The following KAT6A variants were observed in gnomAD, a reference collection of about 807,000 sequenced individuals.
The protein encoded by KAT6A is histone acetyltransferase KAT6A.
KAT6A carries 9 observed loss-of-function variants against 198.4 expected under a neutral mutation model. The observed-to-expected ratio is 0.05, with a 90% confidence interval of 0.03 to 0.08. KAT6A has a LOEUF of 0.08. Ranked by LOEUF, KAT6A falls within the 10% of genes least tolerant of loss-of-function variation. KAT6A has a pLI of 1.00. For missense variants in KAT6A, 2,077 were observed against 2,509.9 expected (o/e 0.83, Z 3.69); for synonymous variants, 890 against 883.0 (o/e 1.01, Z -0.14).
intron 8 of KAT6A, among the ~76,000 whole-genome samples, chr8:41,971,823 G>A (rs913572968): frequency 1.3e-5 from 2 of 152,080 alleles, no homozygotes; most frequent in Admixed American, 1.3e-4. Flanking sequence ...TGGGTTGGCA[G>A]TAGCAAATAC....
At chr8:41,971,440 A>G (rs1823790275) in intron 8 of KAT6A, among the ~76,000 whole-genome samples, 1 of 152,084 alleles carries the variant, frequency 6.6e-6, no homozygotes, top group Non-Finnish European at 1.5e-5. Context: ...CTCTAGAGGA[A>G]GGGCCATCGA....
intron 8 of KAT6A, among the ~76,000 whole-genome samples, chr8:41,971,437 G>A (rs1166965673): frequency 1.3e-5 from 2 of 152,062 alleles, no homozygotes; most frequent in African/African-American, 4.8e-5. Flanking sequence ...CGACTCTAGA[G>A]GAAGGGCCAT....
At chr8:41,954,242 G>A (rs1822817694) in intron 9 of KAT6A, among the ~76,000 whole-genome samples, 1 of 152,140 alleles carries the variant, frequency 6.6e-6, no homozygotes, top group Non-Finnish European at 1.5e-5. Flanking sequence ...AGTTTTACTG[G>A]ATGGCCCTTT....
intron 12 of KAT6A, among the ~76,000 whole-genome samples, chr8:41,946,250 T>C (rs968381805): frequency 5.3e-5 from 8 of 151,948 alleles, no homozygotes; most frequent in Non-Finnish European, 8.8e-5. Context: ...CCTAGGTACA[T>C]GCCATCATGC....
chr8:41,991,202 C>A lies in KAT6A; in HGVS notation c.601-3639G>T, dbSNP rs938733944. ...AAAACATACACCAAAATGTTCAGAG[C>A]AGCATTATTCATAATAATACATTTT... On this transcript the variant is annotated intron_variant, in intron 2 of 16. Transcript: ENST00000265713. Among the ~76,000 whole-genome samples the A allele has an allele frequency of 2.0e-5, 3 of 152,114 alleles. No homozygotes were observed. The East Asian group carries it at 5.8e-4, about 29-fold the overall frequency.
intron 8 of KAT6A, among the ~76,000 whole-genome samples, chr8:41,965,676 C>T (rs761941864): frequency 3.9e-5 from 6 of 152,112 alleles, no homozygotes; most frequent in South Asian, 2.1e-4. Flanking sequence ...TGAGGAATAG[C>T]TGGAGTTTAG....
intron 8 of KAT6A, among the ~76,000 whole-genome samples, chr8:41,967,257 C>CT (rs72258027): frequency 0.57 from 83,889 of 147,016 alleles, 24,379 homozygotes; most frequent in African/African-American, 0.69. Context: ...ACGCGTCTTT[C>CT]TTTTTTTAAA....
At chr8:41,973,151 C>T (rs1346969133) in intron 8 of KAT6A, among the ~76,000 whole-genome samples, 1 of 152,206 alleles carries the variant, frequency 6.6e-6, no homozygotes, top group East Asian at 1.9e-4. Context: ...TAATGACCGA[C>T]ATCAACAGTC....
chr8:41,962,909 C>T (rs764313464), intron 8 of KAT6A, among the ~76,000 whole-genome samples: 1 of 152,104 alleles, frequency 6.6e-6, no homozygotes, highest in Admixed American at 6.6e-5. Context: ...GCTATTCCCC[C>T]GTTACCTACA....
chr8:41,943,387 T>C (rs1564012536), intron 13 of KAT6A, among the ~76,000 whole-genome samples: 1 of 152,212 alleles, frequency 6.6e-6, no homozygotes, highest in African/African-American at 2.4e-5. Context: ...TATATTTACT[T>C]TGTGCCATTT....
intron 2 of KAT6A, among the ~76,000 whole-genome samples, chr8:42,031,823 G>A (rs1827145549): frequency 6.6e-6 from 1 of 151,396 alleles, no homozygotes; most frequent in African/African-American, 2.4e-5. Flanking sequence ...TAGAGATAGG[G>A]TTTTGTCATG....
Position 41,946,844 on chromosome 8 carries a change from A to G in KAT6A, c.1903-160T>C, listed in dbSNP as rs545743057. Among the ~76,000 whole-genome samples, 43 of 152,284 alleles carry G rather than the reference A, an allele frequency of 2.8e-4. No individual in the cohort carries two copies. The South Asian group carries it at 8.7e-3, about 31-fold the overall frequency. On this transcript the variant is annotated intron_variant, in intron 11 of 16. Coordinates refer to ENST00000265713, the MANE Select transcript of KAT6A (RefSeq NM_006766.5). ...AACTACCCAGCTGGGAGAAGATAGG[A>G]TAATGTCAAGTCACTGCCATTACCC...
intron 2 of KAT6A, among the ~76,000 whole-genome samples, chr8:41,993,224 G>T (rs898589620): frequency 1.3e-5 from 2 of 152,166 alleles, no homozygotes; most frequent in African/African-American, 4.8e-5. Context: ...AGACCAACTG[G>T]CTGTGTTGTT....
rs1267744470 is a variant in KAT6A at position 42,049,152 on chromosome 8, T to C, written c.-175A>G. ...AAACAGAATGCCACCCCAATTGTACTATAGAAACCAAAACAACCTGTTGAT... is the reference window on the plus strand; with the variant it reads ...AAACAGAATGCCACCCCAATTGTACCATAGAAACCAAAACAACCTGTTGAT... On this transcript the variant is annotated 5_prime_UTR_variant, in exon 2 of 17. It adds an upstream start codon to the 5' untranslated region. Coordinates refer to ENST00000265713, the MANE Select transcript of KAT6A (RefSeq NM_006766.5). The C allele has an allele frequency of 6.4e-6, 4 of 627,516 alleles. No homozygotes were observed. The South Asian group carries it at 6.9e-5, about 11-fold the overall frequency. The allele number at this position is 627,516 out of a possible 1,614,324, so 38.9% of individuals were successfully genotyped here.
chr8:42,014,944 T>C (rs192166046), intron 2 of KAT6A, among the ~76,000 whole-genome samples: 15 of 152,328 alleles, frequency 9.8e-5, no homozygotes, highest in East Asian at 3.9e-4. Context: ...TAGGAAAGGA[T>C]AGATTATGGG....
rs1821562780 is a variant in KAT6A at position 41,931,885 on chromosome 8, T to A, written c.*320A>T. On this transcript the variant is annotated 3_prime_UTR_variant, in exon 17 of 17. Coordinates refer to ENST00000265713, the MANE Select transcript of KAT6A (RefSeq NM_006766.5). Reference sequence around the variant, plus strand: ...ATAATTCACTTTTACACAAATTCTGTCCATGTGGTATGTAAAGAAAGTAAG... The same window carrying A: ...ATAATTCACTTTTACACAAATTCTGACCATGTGGTATGTAAAGAAAGTAAG... 4.0e-6 allele frequency: 1 copy of A among 251,996 alleles called. No homozygotes were observed. The highest frequency in any genetic ancestry group is 6.1e-5 in the East Asian group (1 of 16,488). 15.6% of individuals were successfully genotyped at this position (251,996 alleles called of 1,614,324 possible). A position where few individuals can be genotyped will look rare whatever the true frequency, so the allele number is the denominator to read the frequency against.
chr8:42,000,492 A>G (rs1055186103), intron 2 of KAT6A, among the ~76,000 whole-genome samples: 2 of 151,498 alleles, frequency 1.3e-5, no homozygotes, highest in African/African-American at 4.9e-5. Flanking sequence ...CAGAGGTTGC[A>G]GTGAGCCGAG....
At chr8:41,936,337 T>C (rs936397206) in intron 16 of KAT6A, among the ~76,000 whole-genome samples, 7 of 152,356 alleles carry the variant, frequency 4.6e-5, no homozygotes, top group Non-Finnish European at 7.3e-5. Flanking sequence ...TAAGTTTATC[T>C]TCTAGACTTG....
At chr8:42,039,756 C>T (rs1463486632) in intron 2 of KAT6A, among the ~76,000 whole-genome samples, 1 of 151,458 alleles carries the variant, frequency 6.6e-6, no homozygotes, top group African/African-American at 2.4e-5. Flanking sequence ...TTTTTTGAGA[C>T]GGAGTCTCAC....
Sources: allele counts gnomAD v4.1 joint callset (sites outside exome capture counted in the v4.1 genomes callset), GRCh38; gene constraint gnomAD v4.1.1; transcripts MANE v1.5; gene names NCBI Gene and HGNC (gene_info 2026-07-23, HGNC 2026-07-21).